The following ELMO1 variants were observed in gnomAD, a reference collection of about 807,000 sequenced individuals.
The protein encoded by ELMO1 is engulfment and cell motility 1, also known as engulfment and cell motility protein 1.
A neutral mutation model predicts 98.9 loss-of-function variants in ELMO1; 26 were observed. The observed-to-expected ratio is 0.26, with a 90% CI of 0.19 to 0.36. The LOEUF (loss-of-function observed/expected upper bound fraction) is 0.36, where lower values mean the gene tolerates loss of function less well. ELMO1 is among the 10% of genes least tolerant of loss of function. The pLI, the probability that ELMO1 is intolerant of heterozygous loss-of-function variation, is 1.00. For synonymous variants in ELMO1, 346 were observed against 346.0 expected, an observed-to-expected ratio of 1.00 and a Z score of 0.00; for missense variants, 627 against 935.2, an observed-to-expected ratio of 0.67 and a Z score of 4.30.
At chr7:37,265,933 G>A (rs561055819) in intron 5 of ELMO1, among the ~76,000 whole-genome samples, 3 of 151,140 alleles carry the variant, frequency 2.0e-5, no homozygotes, top group African/African-American at 7.3e-5. Flanking sequence ...CTTCCTCAAA[G>A]AGCACCACAT....
intron 15 of ELMO1, among the ~76,000 whole-genome samples, chr7:37,028,830 C>T (rs1794726090): frequency 6.6e-6 from 1 of 152,174 alleles, no homozygotes; most frequent in African/African-American, 2.4e-5. Flanking sequence ...GACACCAAAT[C>T]CATTTCCTTT....
chr7:36,920,986 T>A (rs1205623812), intron 16 of ELMO1, among the ~76,000 whole-genome samples: 1 of 152,304 alleles, frequency 6.6e-6, no homozygotes, highest in East Asian at 1.9e-4. Context: ...GATTAGGTCA[T>A]GAAGATTCTG....
intron 14 of ELMO1, among the ~76,000 whole-genome samples, chr7:37,109,547 G>T (rs1427772529): frequency 6.6e-6 from 1 of 152,154 alleles, no homozygotes; most frequent in African/African-American, 2.4e-5. Context: ...AGGCCCAGGG[G>T]ATCCGGGAGT....
rs534424796 is a variant in ELMO1 at position 37,073,061 on chromosome 7, T to C, written c.1300+23558A>G. On this transcript the variant is annotated intron_variant, in intron 15 of 21. Coordinates refer to ENST00000310758, the MANE Select transcript of ELMO1 (RefSeq NM_014800.11). The stretch of plus-strand genomic sequence containing the variant: ...TACATACATGCCCACTGACTAGCAA[T>C]TTCACTTCTAGGAATTTCTTCTAAG... 2.0e-5 allele frequency among the ~76,000 whole-genome samples: 3 copies of C among 152,344 alleles called. No individual in the cohort carries two copies. The East Asian group carries it at 5.8e-4, about 29-fold the overall frequency.
At chr7:36,996,579 G>T (rs1432482610) in intron 16 of ELMO1, among the ~76,000 whole-genome samples, 1 of 152,206 alleles carries the variant, frequency 6.6e-6, no homozygotes, top group Non-Finnish European at 1.5e-5. Flanking sequence ...GTGGGACAGA[G>T]AATGAATGGG....
At chr7:37,412,586 A>G (rs1288743464) in intron 1 of ELMO1, among the ~76,000 whole-genome samples, 1 of 22,192 alleles carries the variant, frequency 4.5e-5, no homozygotes, top group Non-Finnish European at 8.1e-5. Context: ...TTAGCTTGTC[A>G]TTTTTTTTCA....
chr7:36,984,218 C>T (rs943166005), intron 16 of ELMO1, among the ~76,000 whole-genome samples: 1 of 152,198 alleles, frequency 6.6e-6, no homozygotes, highest in African/African-American at 2.4e-5. Flanking sequence ...GCAGAGTTAA[C>T]ATGCACACAA....
intron 2 of ELMO1, among the ~76,000 whole-genome samples, chr7:37,323,619 G>A (rs1184997169): frequency 6.6e-6 from 1 of 152,058 alleles, no homozygotes; most frequent in Non-Finnish European, 1.5e-5. Context: ...GGAGCCAGGA[G>A]GCAGAGGAAA....
rs781745325 is a variant in ELMO1, at chr7:37,155,487, C to CAAAAAAAAAA, written c.1087-22263_1087-22254dup. Reference sequence around the variant, plus strand: ...GATGGAGGAAGAAGCAAACGGAAAGCAAAAAAAAAAAAAAAAAAAAAGCAG... The same window carrying CAAAAAAAAAA: ...GATGGAGGAAGAAGCAAACGGAAAGCAAAAAAAAAAAAAAAAAAAAAAAAAAAAAAAGCAG... On this transcript the variant is annotated intron_variant, in intron 13 of 21. Coordinates refer to ENST00000310758, the MANE Select transcript of ELMO1 (RefSeq NM_014800.11). Among the ~76,000 whole-genome samples the CAAAAAAAAAA allele has an allele frequency of 5.4e-4, 27 of 49,646 alleles. 1 individual carries two copies. The highest frequency in any genetic ancestry group is 7.0e-4 in the Non-Finnish European group (17 of 24,372). The allele number at this position is 49,646 out of a possible 152,430, so 32.6% of individuals were successfully genotyped here.
At chr7:37,292,182 G>A (rs1230458162) in intron 4 of ELMO1, among the ~76,000 whole-genome samples, 31 of 117,644 alleles carry the variant, frequency 2.6e-4, no homozygotes, top group African/African-American at 8.2e-4. Flanking sequence ...GCTCCTAACC[G>A]CGAGTGATCC....
chr7:37,394,588 C>A (rs989989560), intron 1 of ELMO1, among the ~76,000 whole-genome samples: 3 of 152,162 alleles, frequency 2.0e-5, no homozygotes, highest in African/African-American at 4.8e-5. Context: ...CATGAGGAGA[C>A]AATGGAAGTG....
chr7:37,203,255 C>T (rs1338276798), intron 13 of ELMO1, among the ~76,000 whole-genome samples: 3 of 152,158 alleles, frequency 2.0e-5, no homozygotes, highest in Non-Finnish European at 2.9e-5. Context: ...TCTCGAAAAC[C>T]TGTTAGAGTC....
chr7:36,922,505 T>C (rs1785228874), intron 16 of ELMO1, among the ~76,000 whole-genome samples: 1 of 152,204 alleles, frequency 6.6e-6, no homozygotes, highest in South Asian at 2.1e-4. Flanking sequence ...TTTGTCATTA[T>C]AATTAGTTTT....
intron 1 of ELMO1, among the ~76,000 whole-genome samples, chr7:37,446,977 ATCT>A (rs1805642480): frequency 6.6e-6 from 1 of 152,168 alleles, no homozygotes; most frequent in Non-Finnish European, 1.5e-5. Context: ...TCTGCAGGGG[ATCT>A]GGCCTCCTAA....
intron 13 of ELMO1, among the ~76,000 whole-genome samples, chr7:37,135,597 T>C (rs1037506758): frequency 6.6e-6 from 1 of 152,184 alleles, no homozygotes; most frequent in Non-Finnish European, 1.5e-5. Context: ...TGGGTAGCTC[T>C]GCTGGGTGGC....
Position 37,133,258 on chromosome 7 carries a change from T to C in ELMO1, c.1087-24A>G, listed in dbSNP as rs138969076. On this transcript the variant is annotated intron_variant, in intron 13 of 21. Transcript: ENST00000310758. The stretch of plus-strand genomic sequence containing the variant: ...TTCTGTGAGTAAAACAAAATCATGA[T>C]AAGGTGAATTCTTCAGCAGATTTTA... 670 of 1,577,244 alleles carry C rather than the reference T, an allele frequency of 4.2e-4. 6 individuals are homozygous for C. In the African/African-American group the frequency reaches 7.7e-3, roughly 18 times the overall value.
At chr7:37,115,804 T>C (rs1355792438) in intron 14 of ELMO1, among the ~76,000 whole-genome samples, 2 of 151,958 alleles carry the variant, frequency 1.3e-5, no homozygotes, top group Non-Finnish European at 2.9e-5. Context: ...AAAACTGTCT[T>C]TGTTCACAGG....
chr7:37,215,781 C>A (rs892434425), intron 11 of ELMO1, among the ~76,000 whole-genome samples: 6 of 152,222 alleles, frequency 3.9e-5, no homozygotes, highest in African/African-American at 7.2e-5. Context: ...CCCCGACAAT[C>A]CCCCAGTGGC....
intron 1 of ELMO1, among the ~76,000 whole-genome samples, chr7:37,381,919 T>C (rs57503997): frequency 0.34 from 51,402 of 151,984 alleles, 9,322 homozygotes; most frequent in Non-Finnish European, 0.41. Flanking sequence ...TTAAATTATA[T>C]ACTTTCAAGT....
Sources: allele counts gnomAD v4.1 joint callset (sites outside exome capture counted in the v4.1 genomes callset), GRCh38; gene constraint gnomAD v4.1.1; transcripts MANE v1.5; gene names NCBI Gene and HGNC (gene_info 2026-07-23, HGNC 2026-07-21).